ROBO1: variants seen among roughly 807,000 people sequenced by gnomAD.
ROBO1 encodes the protein roundabout homolog 1.
A neutral mutation model predicts 195.9 loss-of-function variants in ROBO1; 149 were observed. The observed-to-expected ratio is 0.76, with a 90% CI of 0.67 to 0.87. The LOEUF is 0.87. Among genes scored for constraint, ROBO1 ranks in the 40% least tolerant of loss-of-function variants. ROBO1 has a pLI of 0.00. For synonymous variants in ROBO1, 816 were observed against 733.2 expected, an observed-to-expected ratio of 1.11 and a Z score of -1.82; for missense variants, 1,933 against 2,068.3, an observed-to-expected ratio of 0.93 and a Z score of 1.27.
chr3:79,512,693 G>A (rs1486879596), intron 2 of ROBO1: 1 of 151,984 alleles, frequency 6.6e-6, no homozygotes, highest in Non-Finnish European at 1.5e-5. Flanking sequence ...ACAAAGAATT[G>A]GCATTGCACT....
intron 4 of ROBO1, among the ~76,000 whole-genome samples, chr3:78,781,685 C>T (rs1385257366): frequency 6.9e-6 from 1 of 145,330 alleles, no homozygotes; most frequent in Non-Finnish European, 1.5e-5. Flanking sequence ...GAGAACAACT[C>T]TTCTTGATTC....
intron 1 of ROBO1, among the ~76,000 whole-genome samples, chr3:79,740,049 A>C (rs1401914536): frequency 4.0e-5 from 6 of 151,542 alleles, no homozygotes; most frequent in Non-Finnish European, 7.4e-5. Context: ...GCATTTCTGA[A>C]GTATATAAAA....
At chr3:79,636,529 A>G (rs952319069) in intron 1 of ROBO1, among the ~76,000 whole-genome samples, 2 of 152,136 alleles carry the variant, frequency 1.3e-5, no homozygotes, top group African/African-American at 2.4e-5. Flanking sequence ...ACAGCCTGTC[A>G]TAAAGTGATT....
intron 4 of ROBO1, 68 bp downstream of exon 4, chr3:78,938,533 C>A: frequency 7.2e-7 from 1 of 1,393,648 alleles, no homozygotes; most frequent in African/African-American, 1.4e-5. Flanking sequence ...CTTTTCATTG[C>A]CATGATCAAA....
In ROBO1 at chr3:78,809,463, C is replaced by G. The variant is rs1160472526; in HGVS notation, c.500-62563G>C. 3.3e-5 allele frequency among the ~76,000 whole-genome samples: 5 copies of G among 152,120 alleles called. No homozygotes were observed. In the East Asian group the frequency reaches 9.6e-4, roughly 29 times the overall value. ...CTCAAGGATCTAGAACCAGAAATAC[C>G]ATTTGACCCAGCAATCCCATTACTG... is the stretch of plus-strand genomic sequence containing the variant. On this transcript the variant is annotated intron_variant, in intron 4 of 30. Transcript: ENST00000464233.
intron 8 of ROBO1, chr3:78,693,268 G>T: frequency 6.5e-7 from 1 of 1,537,544 alleles, no homozygotes; most frequent in South Asian, 1.2e-5. Context: ...GACATGGAAG[G>T]GTATGGATGG....
intron 4 of ROBO1, among the ~76,000 whole-genome samples, chr3:78,767,586 C>A (rs2083263012): frequency 6.6e-6 from 1 of 152,112 alleles, no homozygotes; most frequent in Non-Finnish European, 1.5e-5. Flanking sequence ...TTTTTAATTA[C>A]CATTTCAATC....
intron 2 of ROBO1, among the ~76,000 whole-genome samples, chr3:79,406,154 TGGAGATAACCGTA>T (rs1422380323): frequency 6.6e-6 from 1 of 151,626 alleles, no homozygotes; most frequent in Non-Finnish European, 1.5e-5. Flanking sequence ...AGGAGACAGC[TGGAGATAACCGTA>T]GAGGGTTCAT....
intron 4 of ROBO1, among the ~76,000 whole-genome samples, chr3:78,862,944 G>C (rs1559937006): frequency 6.6e-6 from 1 of 152,188 alleles, no homozygotes; most frequent in Non-Finnish European, 1.5e-5. Context: ...TCAAGGACCA[G>C]CTCTGAATTC....
rs1329554394 is a variant in ROBO1 at position 79,141,566 on chromosome 3, TG to T, written c.89-16028del. Among the ~76,000 whole-genome samples, 415 of 27,762 alleles carry T rather than the reference TG, an allele frequency of 0.015. 9 individuals carry two copies. The East Asian group carries it at 0.22, about 14-fold the overall frequency. The allele number at this position is 27,762 out of a possible 152,430, so 18.2% of individuals were successfully genotyped here. A position where few individuals can be genotyped will look rare whatever the true frequency, so the allele number is the denominator to read the frequency against. On this transcript the variant is annotated intron_variant, in intron 2 of 30. Transcript: ENST00000464233. ...GAGTGGCAATGGTGGTTGCTGTTGT[TG>T]TTTTTTTTTTTTTTCTTTTCTCTAG...
chr3:79,391,785 A>G (rs1000328164), intron 2 of ROBO1, among the ~76,000 whole-genome samples: 4 of 152,174 alleles, frequency 2.6e-5, no homozygotes, highest in Admixed American at 6.5e-5. Flanking sequence ...TAAAATTATC[A>G]TAATTGTTTT....
intron 5 of ROBO1, among the ~76,000 whole-genome samples, chr3:78,743,636 A>G (rs1275637612): frequency 6.6e-6 from 1 of 152,188 alleles, no homozygotes; most frequent in Admixed American, 6.5e-5. Flanking sequence ...CTTAATCAAC[A>G]AAGATTTATT....
At chr3:79,372,500 C>T (rs1053931334) in intron 2 of ROBO1, among the ~76,000 whole-genome samples, 10 of 152,182 alleles carry the variant, frequency 6.6e-5, no homozygotes, top group East Asian at 5.8e-4. Flanking sequence ...TGAGCCACTG[C>T]GCCTGGCCTC....
intron 4 of ROBO1, among the ~76,000 whole-genome samples, chr3:78,836,252 C>A (rs1487525112): frequency 6.6e-6 from 1 of 152,028 alleles, no homozygotes; most frequent in Admixed American, 6.6e-5. Context: ...GTGGCTCATG[C>A]CTGTAATCCC....
At chr3:79,725,419 G>A (rs926980802) in intron 1 of ROBO1, among the ~76,000 whole-genome samples, 21 of 151,706 alleles carry the variant, frequency 1.4e-4, no homozygotes, top group Admixed American at 3.3e-4. Context: ...GTAGAGACGA[G>A]GTTTCACCGT....
At chr3:78,687,364 A>T (rs893178980) in intron 9 of ROBO1, among the ~76,000 whole-genome samples, 3 of 152,186 alleles carry the variant, frequency 2.0e-5, no homozygotes, top group Non-Finnish European at 4.4e-5. Flanking sequence ...AGACACTAGA[A>T]TTCAAATAAG....
chr3:78,866,428 A>C (rs945216621), intron 4 of ROBO1, among the ~76,000 whole-genome samples: 7 of 152,196 alleles, frequency 4.6e-5, no homozygotes, highest in African/African-American at 1.7e-4. Flanking sequence ...GCTAAATGCC[A>C]CCATTAAGAA....
intron 1 of ROBO1, among the ~76,000 whole-genome samples, chr3:79,662,175 G>A (rs1429216760): frequency 6.6e-6 from 1 of 151,988 alleles, no homozygotes; most frequent in Non-Finnish European, 1.5e-5. Context: ...TCTACACTTG[G>A]AATGAGAATT....
chr3:79,748,128 T>C (rs1158989062), intron 1 of ROBO1, among the ~76,000 whole-genome samples: 2 of 152,148 alleles, frequency 1.3e-5, no homozygotes, highest in Non-Finnish European at 2.9e-5. Flanking sequence ...TTTCATATAA[T>C]TTTTACATAA....
Sources: gnomAD v4.1 joint callset for allele counts (sites outside exome capture counted in the v4.1 genomes callset) on GRCh38, gnomAD v4.1.1 for gene constraint, MANE v1.5 for transcripts, NCBI Gene and HGNC (gene_info 2026-07-23, HGNC 2026-07-21) for gene names.